CNTNAP5: variants seen among roughly 807,000 people sequenced by gnomAD.
CNTNAP5 encodes contactin associated protein family member 5.
CNTNAP5 carries 72 observed loss-of-function variants against 150.2 expected under a neutral mutation model. The ratio of observed to expected loss-of-function variants is 0.48; its 90% confidence interval spans 0.40 to 0.58. The LOEUF is 0.58. Among genes scored for constraint, CNTNAP5 ranks in the 20% least tolerant of loss-of-function variants. The pLI, the probability that CNTNAP5 is intolerant of heterozygous loss-of-function variation, is 0.00. For synonymous variants in CNTNAP5, 672 were observed against 619.8 expected, an observed-to-expected ratio of 1.08 and a Z score of -1.25; for missense variants, 1,636 against 1,626.2, an observed-to-expected ratio of 1.01 and a Z score of -0.10.
chr2:124,641,015 A>G (rs1008297411), intron 12 of CNTNAP5, among the ~76,000 whole-genome samples: 1 of 151,294 alleles, frequency 6.6e-6, no homozygotes, highest in Non-Finnish European at 1.5e-5. Context: ...AATCCCAGCT[A>G]CTTGGAAGGC....
intron 1 of CNTNAP5, among the ~76,000 whole-genome samples, chr2:124,059,386 G>C (rs1343100288): frequency 1.3e-5 from 2 of 152,124 alleles, no homozygotes; most frequent in Non-Finnish European, 2.9e-5. Context: ...CTACAAAAAA[G>C]CTGTGTTTTT....
At chr2:124,654,399 C>A (rs982245323) in intron 13 of CNTNAP5, among the ~76,000 whole-genome samples, 15 of 152,130 alleles carry the variant, frequency 9.9e-5, no homozygotes, top group African/African-American at 3.6e-4. Flanking sequence ...TTTAAGTCAT[C>A]TCCTATGCCT....
chr2:124,084,924 G>GTTTTTTTTTTTTTTTTT lies in CNTNAP5; in HGVS notation c.82+59207_82+59208insTTTTTTTTTTTTTTTTT, dbSNP rs71394021. Among the ~76,000 whole-genome samples the GTTTTTTTTTTTTTTTTT allele has an allele frequency of 1.8e-3, 166 of 89,990 alleles. 24 individuals are homozygous for GTTTTTTTTTTTTTTTTT. The highest frequency in any genetic ancestry group is 2.2e-3 in the East Asian group (6 of 2,678). 59.0% of individuals were successfully genotyped at this position (89,990 alleles called of 152,430 possible). A position where few individuals can be genotyped will look rare whatever the true frequency, so the allele number is the denominator to read the frequency against. ...TAAAAATTATGAATTCAAGTTTCCT[G>GTTTTTTTTTTTTTTTTT]TTTTTTTTTTTTTTTGAGACGGAGT... On this transcript the variant is annotated intron_variant, in intron 1 of 23. Coordinates refer to ENST00000682447, the MANE Select transcript of CNTNAP5 (RefSeq NM_001367498.1).
At chr2:124,633,672 AT>A (rs1305825642) in intron 12 of CNTNAP5, among the ~76,000 whole-genome samples, 2 of 152,124 alleles carry the variant, frequency 1.3e-5, no homozygotes, top group African/African-American at 4.8e-5. Flanking sequence ...CCAACTCCAC[AT>A]TTCCCCTCCA....
intron 13 of CNTNAP5, among the ~76,000 whole-genome samples, chr2:124,673,069 T>A (rs1678856106): frequency 6.6e-6 from 1 of 152,112 alleles, no homozygotes; most frequent in African/African-American, 2.4e-5. Context: ...GGTAAGAAAA[T>A]CATTCCTGAG....
intron 3 of CNTNAP5, among the ~76,000 whole-genome samples, chr2:124,403,064 A>C (rs1432446393): frequency 6.6e-6 from 1 of 152,230 alleles, no homozygotes; most frequent in African/African-American, 2.4e-5. Flanking sequence ...AAATTAGAAA[A>C]GAAAACCAAT....
At chr2:124,332,921 G>T (rs80241606) in intron 3 of CNTNAP5, among the ~76,000 whole-genome samples, 1 of 151,968 alleles carries the variant, frequency 6.6e-6, no homozygotes, top group African/African-American at 2.4e-5. Context: ...AACTTTAGAA[G>T]CATTTGAGCT....
chr2:124,615,201 TG>T (rs1677469642), intron 12 of CNTNAP5, among the ~76,000 whole-genome samples: 2 of 152,174 alleles, frequency 1.3e-5, no homozygotes, highest in Admixed American at 1.3e-4. Context: ...CAATAAAGAA[TG>T]TCACATAATT....
At position 124,798,282 on chromosome 2, in the gene CNTNAP5, C is replaced by A. The variant is rs780792585; in HGVS notation, c.3179C>A (p.Ser1060Tyr). ...AGTCTTTTGCTCTTTATCAATTCTT[C>A]TTCTCAGGACTTCGTGGTTGTTCTG... ...APSLLLFINS[S>Y]SQDFVVVLLC... Residue 1060 changes from serine to tyrosine, a missense_variant, in exon 19 of 24, where the codon TCT (serine) becomes TAT (tyrosine). Transcript: ENST00000682447. 1.2e-6 allele frequency: 2 copies of A among 1,613,774 alleles called. No homozygotes were observed. Among genetic ancestry groups the A allele is most frequent in the South Asian group, 2.2e-5 (2 of 91,078 alleles).
At chr2:124,817,092 A>G (rs1322911094) in intron 19 of CNTNAP5, among the ~76,000 whole-genome samples, 1 of 152,262 alleles carries the variant, frequency 6.6e-6, no homozygotes, top group Non-Finnish European at 1.5e-5. Context: ...GCAAGAATGA[A>G]TGACTTATAT....
At chr2:124,173,540 G>A (rs1684986951) in intron 1 of CNTNAP5, among the ~76,000 whole-genome samples, 2 of 152,190 alleles carry the variant, frequency 1.3e-5, no homozygotes, top group South Asian at 4.1e-4. Context: ...ACCAACCACA[G>A]CATTTTCTTA....
chr2:124,118,323 T>G (rs1016884196), intron 1 of CNTNAP5, among the ~76,000 whole-genome samples: 1 of 152,150 alleles, frequency 6.6e-6, no homozygotes, highest in Non-Finnish European at 1.5e-5. Flanking sequence ...GCACCCACCT[T>G]GGATTGTCAT....
chr2:124,820,596 C>CTATCAGTGGAGTTCTTG (rs980050272), intron 19 of CNTNAP5, among the ~76,000 whole-genome samples: 1 of 151,308 alleles, frequency 6.6e-6, no homozygotes, highest in Non-Finnish European at 1.5e-5. Flanking sequence ...TCCAAAAATC[C>CTATCAGTGGAGTTCTTG]TATCAGTGGA....
rs1558746739 is a variant in CNTNAP5 at position 124,713,281 on chromosome 2, CT to C, written c.2078-33945del. Among the ~76,000 whole-genome samples, 320 of 105,198 alleles carry C rather than the reference CT, an allele frequency of 3.0e-3. 4 individuals are homozygous for C. Among genetic ancestry groups the C allele is most frequent in the South Asian group, 5.4e-3 (14 of 2,572 alleles). The allele number at this position is 105,198 out of a possible 152,430, so 69.0% of individuals were successfully genotyped here. A position where few individuals can be genotyped will look rare whatever the true frequency, so the allele number is the denominator to read the frequency against. Reference sequence around the variant, plus strand: ...TCTTTCTTTCTTTCTTTCTTTCTTTCTTTCTTTCTTTCTTTCTTTCTTCTTT... The same window carrying C: ...TCTTTCTTTCTTTCTTTCTTTCTTTCTTCTTTCTTTCTTTCTTTCTTCTTT... On this transcript the variant is annotated intron_variant, in intron 13 of 23. Transcript: ENST00000682447.
intron 20 of CNTNAP5, 94 bp from the exon 21 acceptor site, chr2:124,869,581 A>T: frequency 1.3e-6 from 1 of 749,432 alleles, no homozygotes. Flanking sequence ...TGCTATCTGT[A>T]TGCATTTTTT....
At chr2:124,807,334 C>T (rs752580148) in intron 19 of CNTNAP5, among the ~76,000 whole-genome samples, 16 of 152,080 alleles carry the variant, frequency 1.1e-4, no homozygotes, top group Non-Finnish European at 1.6e-4. Flanking sequence ...AAAGATGGGT[C>T]GGGGGATAGT....
rs866299130 is a variant in CNTNAP5 at position 124,510,343 on chromosome 2, A to C, written c.1327+5787A>C. On this transcript the variant is annotated intron_variant, in intron 8 of 23. Coordinates refer to ENST00000682447, the MANE Select transcript of CNTNAP5 (RefSeq NM_001367498.1). ...TATCTATCTATATATATATCTCCAT[A>C]TGTCAACACACACACACACACACAC... 7.8e-4 allele frequency among the ~76,000 whole-genome samples: 36 copies of C among 45,890 alleles called. No individual in the cohort carries two copies. In the Middle Eastern group the frequency reaches 0.033, roughly 42 times the overall value. 30.1% of individuals were successfully genotyped at this position (45,890 alleles called of 152,430 possible).
intron 10 of CNTNAP5, among the ~76,000 whole-genome samples, chr2:124,541,145 T>G (rs1695371309): frequency 6.8e-6 from 1 of 146,242 alleles, no homozygotes; most frequent in South Asian, 2.2e-4. Context: ...CTGTTTGGTG[T>G]GGAGACTTAG....
Position 124,790,533 on chromosome 2 carries a change from G to A in CNTNAP5, c.2992+392G>A, listed in dbSNP as rs371271356. Among the ~76,000 whole-genome samples, 40 of 152,276 alleles carry A rather than the reference G, an allele frequency of 2.6e-4. No individual in the cohort carries two copies. In the South Asian group the frequency reaches 7.0e-3, roughly 27 times the overall value. On this transcript the variant is annotated intron_variant, in intron 18 of 23. Transcript: ENST00000682447. ...CTGGGGGAGCCTTAGAGATACTTAA[G>A]CCATCTTAAATTATTTTTTACAACA...
Sources: allele counts gnomAD v4.1 joint callset (sites outside exome capture counted in the v4.1 genomes callset), GRCh38; gene constraint gnomAD v4.1.1; transcripts MANE v1.5; gene names NCBI Gene and HGNC (gene_info 2026-07-23, HGNC 2026-07-21).